Variants in RBFOX1 observed in about 807,000 individuals in gnomAD.
RBFOX1 encodes the protein RNA binding protein fox-1 homolog 1.
RBFOX1 carries 8 observed loss-of-function variants against 57.7 expected under a neutral mutation model. The ratio of observed to expected loss-of-function variants is 0.14; its 90% CI spans 0.08 to 0.25. RBFOX1 has a LOEUF of 0.25. RBFOX1 is among the 10% of genes least tolerant of loss of function. The probability of loss-of-function intolerance (pLI) is 1.00; values close to 1 mark genes in which losing one functional copy is unlikely to be tolerated. For synonymous variants in RBFOX1, 326 were observed against 222.4 expected (o/e 1.47, Z -4.15); for missense variants, 611 against 548.5 (o/e 1.11, Z -1.14).
At chr16:6,625,790 A>G (rs1362327003) in intron 2 of RBFOX1, among the ~76,000 whole-genome samples, 1 of 152,228 alleles carries the variant, frequency 6.6e-6, no homozygotes, top group Non-Finnish European at 1.5e-5. Context: ...GAGCCTCTAT[A>G]GAAGGAGAAT....
intron 1 of RBFOX1, among the ~76,000 whole-genome samples, chr16:6,053,151 C>G (rs923028477): frequency 4.6e-5 from 7 of 152,126 alleles, no homozygotes; most frequent in Non-Finnish European, 8.8e-5. Context: ...GAGGCCTCCG[C>G]TATTATTTGC....
At chr16:5,747,475 G>A (rs759656058) in intron 3 of RBFOX1, among the ~76,000 whole-genome samples, 2 of 152,064 alleles carry the variant, frequency 1.3e-5, no homozygotes, top group African/African-American at 4.8e-5. Flanking sequence ...GCTCCTTCTT[G>A]TACCTCTGGT....
chr16:5,905,425 C>T (rs983457107), intron 4 of RBFOX1, among the ~76,000 whole-genome samples: 2 of 152,028 alleles, frequency 1.3e-5, no homozygotes, highest in Non-Finnish European at 2.9e-5. Context: ...TGAAGACACA[C>T]AGAAGGCCAG....
rs1300203464 is a variant in RBFOX1 at position 7,135,528 on chromosome 16, A to G, written c.27+83430A>G. Among the ~76,000 whole-genome samples the G allele has an allele frequency of 1.8e-4, 28 of 152,268 alleles. 1 individual carries two copies. The highest frequency in any genetic ancestry group is 1.8e-3 in the Admixed American group (28 of 15,288). ...GTAATGAGGAAAAAGAGACAGAGCA[A>G]TAAGAAGATAATTAAGGTAACAACT... On this transcript the variant is annotated intron_variant, in intron 4 of 15. Coordinates refer to ENST00000550418, the MANE Select transcript of RBFOX1 (RefSeq NM_018723.4).
chr16:5,571,159 A>C (rs2046269181), intron 2 of RBFOX1, among the ~76,000 whole-genome samples: 1 of 150,972 alleles, frequency 6.6e-6, no homozygotes, highest in Non-Finnish European at 1.5e-5. Flanking sequence ...ATGAGACAGA[A>C]ACCTTGTAAC....
intron 4 of RBFOX1, among the ~76,000 whole-genome samples, chr16:7,496,334 G>T (rs2068627682): frequency 6.6e-6 from 1 of 152,058 alleles, no homozygotes; most frequent in Non-Finnish European, 1.5e-5. Context: ...GTAGGGATGG[G>T]GTTTCATCAT....
intron 4 of RBFOX1, among the ~76,000 whole-genome samples, chr16:5,897,245 C>T (rs2152168480): frequency 6.6e-6 from 1 of 151,390 alleles, no homozygotes; most frequent in South Asian, 2.1e-4. Context: ...CCTTGTTAGC[C>T]AGGATGGTCT....
chr16:7,580,764 G>C (rs141401308), intron 6 of RBFOX1, among the ~76,000 whole-genome samples: 25 of 152,298 alleles, frequency 1.6e-4, no homozygotes, highest in African/African-American at 6.0e-4. Flanking sequence ...AAAGGACAAA[G>C]CTGTGACAGG....
intron 3 of RBFOX1, among the ~76,000 whole-genome samples, chr16:5,748,207 A>T (rs1237221952): frequency 2.6e-5 from 4 of 152,130 alleles, no homozygotes; most frequent in African/African-American, 9.6e-5. Context: ...CTTAATCCTG[A>T]GTTCTAGTTT....
chr16:6,556,090 A>G (rs2097094352), intron 2 of RBFOX1, among the ~76,000 whole-genome samples: 2 of 152,148 alleles, frequency 1.3e-5, no homozygotes, highest in African/African-American at 2.4e-5. Flanking sequence ...TATAATTTAA[A>G]TCTTCTATTC....
intron 3 of RBFOX1, among the ~76,000 whole-genome samples, chr16:5,745,288 C>G (rs1361584450): frequency 1.3e-5 from 2 of 152,196 alleles, no homozygotes; most frequent in African/African-American, 2.4e-5. Flanking sequence ...TTTTTTATGG[C>G]TGCATAGTAT....
intron 2 of RBFOX1, among the ~76,000 whole-genome samples, chr16:5,497,516 T>A (rs1021000049): frequency 4.6e-5 from 7 of 151,746 alleles, no homozygotes; most frequent in African/African-American, 1.7e-4. Flanking sequence ...GGCTCATGTC[T>A]CTAATCCCAG....
At chr16:7,124,561 C>G (rs62014159) in intron 4 of RBFOX1, among the ~76,000 whole-genome samples, 1 of 129,156 alleles carries the variant, frequency 7.7e-6, no homozygotes, top group Non-Finnish European at 1.6e-5. Context: ...CTCCCTCCCT[C>G]CCTTCCTTCC....
rs189916667 is a variant in RBFOX1 at position 7,003,276 on chromosome 16, T to C, written c.-15-48781T>C. Reference sequence around the variant, plus strand: ...CAGATCAAGACCATCCTGGCCAACATGGTGAAACCCCCGTCTCTACTAAAA... The same window carrying C: ...CAGATCAAGACCATCCTGGCCAACACGGTGAAACCCCCGTCTCTACTAAAA... On this transcript the variant is annotated intron_variant, in intron 3 of 15. Transcript: ENST00000550418. 2.2e-3 allele frequency among the ~76,000 whole-genome samples: 336 copies of C among 151,874 alleles called. 1 individual carries two copies. The highest frequency in any genetic ancestry group is 5.2e-3 in the South Asian group (25 of 4,800).
chr16:7,092,494 T>C (rs1008585939), intron 4 of RBFOX1, among the ~76,000 whole-genome samples: 1 of 152,250 alleles, frequency 6.6e-6, no homozygotes, highest in Non-Finnish European at 1.5e-5. Flanking sequence ...TTTAATACTG[T>C]ATAGACAGTG....
chr16:5,653,510 G>T (rs573771572), intron 3 of RBFOX1, among the ~76,000 whole-genome samples: 1 of 151,982 alleles, frequency 6.6e-6, no homozygotes, highest in East Asian at 1.9e-4. Context: ...GGAAGTTGGG[G>T]TGCGGAGCCG....
At chr16:5,951,687 C>G (rs2059523066) in intron 4 of RBFOX1, among the ~76,000 whole-genome samples, 2 of 152,116 alleles carry the variant, frequency 1.3e-5, no homozygotes, top group South Asian at 2.1e-4. Context: ...TGACCGTCCC[C>G]TGACTCATCT....
In RBFOX1 at chr16:7,438,577, C is replaced by G. The variant is rs12597896; in HGVS notation, c.28-79570C>G. ...ACTCCTCACTCATTTGTAAACCTCT[C>G]TGAATCCCAAACTTGTGTGCGTGTC... On this transcript the variant is annotated intron_variant, in intron 4 of 15. Transcript: ENST00000550418. Among the ~76,000 whole-genome samples, 53 of 152,292 alleles carry G rather than the reference C, an allele frequency of 3.5e-4. No homozygotes were observed. In the East Asian group the frequency reaches 9.3e-3, roughly 27 times the overall value.
At chr16:5,894,382 C>G (rs2058111323) in intron 4 of RBFOX1, among the ~76,000 whole-genome samples, 1 of 152,106 alleles carries the variant, frequency 6.6e-6, no homozygotes, top group Non-Finnish European at 1.5e-5. Context: ...TCCTGGGTTC[C>G]AGTGATTCTC....
Sources: gnomAD v4.1 joint callset for allele counts (sites outside exome capture counted in the v4.1 genomes callset) on GRCh38, gnomAD v4.1.1 for gene constraint, MANE v1.5 for transcripts, NCBI Gene and HGNC (gene_info 2026-07-23, HGNC 2026-07-21) for gene names.